The following C3orf20 variants were observed in gnomAD, a reference collection of about 807,000 sequenced individuals.
C3orf20 encodes family with sequence similarity 149 member C, also known as uncharacterized protein C3orf20.
A neutral mutation model predicts 88.3 loss-of-function variants in C3orf20; 76 were observed. The observed-to-expected ratio is 0.86, with a 90% CI of 0.72 to 1.04. The LOEUF (loss-of-function observed/expected upper bound fraction) is 1.04. Among genes scored for constraint, C3orf20 ranks in the 50% least tolerant of loss-of-function variants. C3orf20 has a pLI of 0.00. For synonymous variants in C3orf20, 436 were observed against 437.4 expected (o/e 1.00, Z 0.04); for missense variants, 1,056 against 1,123.3 (o/e 0.94, Z 0.86).
At chr3:14,690,507 G>A (rs1025139369) in intron 5 of C3orf20, among the ~76,000 whole-genome samples, 23 of 152,196 alleles carry the variant, frequency 1.5e-4, no homozygotes, top group African/African-American at 5.5e-4. Context: ...TCTGAAGAGA[G>A]GTATTTGGAT....
intron 15 of C3orf20, among the ~76,000 whole-genome samples, chr3:14,770,577 C>T (rs1019250238): frequency 1.5e-4 from 23 of 152,170 alleles, no homozygotes; most frequent in Non-Finnish European, 2.4e-4. Flanking sequence ...GTCCCCAGCC[C>T]AGCCTTAGCC....
At chr3:14,764,413 G>A (rs2035643474) in intron 15 of C3orf20, among the ~76,000 whole-genome samples, 2 of 152,178 alleles carry the variant, frequency 1.3e-5, no homozygotes, top group South Asian at 4.1e-4. Flanking sequence ...TGCCATAGCA[G>A]TTGTTCCTAT....
In C3orf20 at chr3:14,705,824, C is replaced by T. The variant is rs145734006; in HGVS notation, c.1160+1206C>T. ...CCCCTTCACTGTAGAAATCGGAAAA[C>T]TGAGACCCAAAGGCATGGTGTGACT... On this transcript the variant is annotated intron_variant, in intron 7 of 16. Transcript: ENST00000253697. Among the ~76,000 whole-genome samples, 56 of 152,278 alleles carry T rather than the reference C, an allele frequency of 3.7e-4. 1 individual carries two copies. The highest frequency in any genetic ancestry group is 2.0e-3 in the Admixed American group (31 of 15,300).
chr3:14,682,535 T>C, intron 2 of C3orf20, 43 bp from the exon 3 acceptor site: 1 of 803,700 alleles, frequency 1.2e-6, no homozygotes, highest in Non-Finnish European at 1.9e-6. Flanking sequence ...CTTGCCCTAC[T>C]ATGGGGAGAG....
chr3:14,745,468 A>G (rs1488705848), intron 12 of C3orf20, among the ~76,000 whole-genome samples: 7 of 152,250 alleles, frequency 4.6e-5, no homozygotes, highest in African/African-American at 1.7e-4. Context: ...CTTTTTCACA[A>G]TATGTCATGA....
chr3:14,682,536 A>C, intron 2 of C3orf20, 42 bp from the exon 3 acceptor site: 1 of 807,344 alleles, frequency 1.2e-6, no homozygotes, highest in Non-Finnish European at 1.9e-6. Flanking sequence ...TTGCCCTACT[A>C]TGGGGAGAGT....
rs779514928 is a variant in C3orf20, at chr3:14,772,756, C to T, written c.2631-35C>T. The T allele has an allele frequency of 5.1e-6, 8 of 1,564,622 alleles. No homozygotes were observed. Among genetic ancestry groups the T allele is most frequent in the South Asian group, 4.5e-5 (4 of 89,716 alleles). Reference sequence around the variant, plus strand: ...GGCTCTGGGCACTGTGAAGAACAGCCCTTCCGCCTCCCGGCCCTCTATTTT... The same window carrying T: ...GGCTCTGGGCACTGTGAAGAACAGCTCTTCCGCCTCCCGGCCCTCTATTTT... On this transcript the variant is annotated intron_variant, in intron 16 of 16. Coordinates refer to ENST00000253697, the MANE Select transcript of C3orf20 (RefSeq NM_032137.5). The surrounding 1 kb of genome is among the most constrained non-coding windows in gnomAD (Gnocchi z 4.2).
chr3:14,754,751 G>T (rs572515706), intron 12 of C3orf20, among the ~76,000 whole-genome samples: 39 of 152,118 alleles, frequency 2.6e-4, no homozygotes, highest in African/African-American at 8.0e-4. Flanking sequence ...TAGAGACAGG[G>T]TCTTGCTCTG....
chr3:14,696,146 C>T (rs914563273), intron 5 of C3orf20, among the ~76,000 whole-genome samples: 1 of 149,174 alleles, frequency 6.7e-6, no homozygotes, highest in Admixed American at 6.7e-5. Flanking sequence ...TTTGTGTACC[C>T]ATTGTGTGTT....
At position 14,683,006 on chromosome 3, in the gene C3orf20, C is replaced by G. The variant is rs544471584; in HGVS notation, c.293C>G (p.Pro98Arg). 6 of 1,613,116 alleles carry G rather than the reference C, an allele frequency of 3.7e-6. No individual in the cohort carries two copies. The African/African-American group carries it at 8.0e-5, about 22-fold the overall frequency. ...VPTLKKPLPP[P>R]PPAPPRPVLL... ...ACACTGAAGAAGCCACTACCTCCAC[C>G]ACCACCAGCACCACCACGTCCAGTG... The change falls in exon 3 of 17, where the codon CCA becomes CGA. Residue 98 changes from proline (P) to arginine (R), a missense_variant. Transcript: ENST00000253697.
At chr3:14,720,064 C>T (rs186200023) in intron 9 of C3orf20, among the ~76,000 whole-genome samples, 1 of 152,036 alleles carries the variant, frequency 6.6e-6, no homozygotes, top group Non-Finnish European at 1.5e-5. Context: ...GAGTCTCACT[C>T]TGTCGCCTAG....
intron 12 of C3orf20, among the ~76,000 whole-genome samples, chr3:14,736,076 A>T (rs370898816): frequency 1.3e-5 from 2 of 152,268 alleles, no homozygotes; most frequent in East Asian, 3.9e-4. Flanking sequence ...TGTTGAAATA[A>T]AGTTTTTCAA....
chr3:14,715,246 T>G, intron 8 of C3orf20, 43 bp from the exon 9 acceptor site: 1 of 1,596,940 alleles, frequency 6.3e-7, no homozygotes, highest in Non-Finnish European at 8.5e-7. Context: ...AGAGCTTCCT[T>G]CAGGGGCCCG....
At chr3:14,727,651 G>A (rs1001714743) in intron 11 of C3orf20, among the ~76,000 whole-genome samples, 3 of 152,182 alleles carry the variant, frequency 2.0e-5, no homozygotes, top group African/African-American at 2.4e-5. Flanking sequence ...TCTCTGGGGA[G>A]TTTCTTCTCG....
intron 12 of C3orf20, among the ~76,000 whole-genome samples, chr3:14,755,879 C>G (rs952488198): frequency 2.0e-5 from 3 of 151,490 alleles, no homozygotes; most frequent in Non-Finnish European, 4.4e-5. Context: ...AATACAAAAA[C>G]TTAGCCAGGC....
chr3:14,768,630 G>T lies in C3orf20; in HGVS notation c.2496-3437G>T, dbSNP rs1233720539. 6.6e-6 allele frequency among the ~76,000 whole-genome samples: 1 copy of T among 151,938 alleles called. No homozygotes were observed. The highest frequency in any genetic ancestry group is 1.5e-5 in the Non-Finnish European group (1 of 68,030). ...GCAGACAGTAACGACGGATGAGGAT[G>T]GTGTTAAAACTACCTCTTTTCTGGA... is the stretch of plus-strand genomic sequence containing the variant. On this transcript the variant is annotated intron_variant, in intron 15 of 16. Transcript: ENST00000253697. This position sits in a 1 kb window ranked among gnomAD's most constrained non-coding sequence, Gnocchi z 4.1.
chr3:14,761,661 T>C (rs760412079), intron 15 of C3orf20, 46 bp downstream of exon 15: 1 of 1,496,400 alleles, frequency 6.7e-7, no homozygotes, highest in South Asian at 1.1e-5. Context: ...TGGGGAGGTA[T>C]GGAGGGCAGA....
At chr3:14,702,597 C>T (rs1005060469) in intron 5 of C3orf20, among the ~76,000 whole-genome samples, 26 of 152,140 alleles carry the variant, frequency 1.7e-4, no homozygotes, top group African/African-American at 4.6e-4. Context: ...CACACCAGCA[C>T]GCCCAGTTAA....
Position 14,759,919 on chromosome 3 carries a change from A to C in C3orf20, c.2273A>C (p.Gln758Pro). ...QCRYDSYRLL[Q>P]YDLDSPLQED... ...CGGTATGACTCCTACCGCCTGCTGC[A>C]GTATGACCTGGACAGCCCCCTGCAG... The change falls in exon 14 of 17, where the codon CAG becomes CCG. Residue 758 changes from glutamine (Q) to proline (P), a missense_variant. Gln to Pro is a moderately conservative substitution (Grantham distance 76). Coordinates refer to ENST00000253697, the MANE Select transcript of C3orf20 (RefSeq NM_032137.5). 1 of 1,614,106 alleles carries C rather than the reference A, an allele frequency of 6.2e-7. No individual in the cohort carries two copies. The highest frequency in any genetic ancestry group is 8.5e-7 in the Non-Finnish European group (1 of 1,179,968).
Sources: gnomAD v4.1 joint callset for allele counts (sites outside exome capture counted in the v4.1 genomes callset) on GRCh38, gnomAD v4.1.1 for gene constraint, Gnocchi (gnomAD v3.1) non-coding constraint, MANE v1.5 for transcripts, NCBI Gene and HGNC (gene_info 2026-07-23, HGNC 2026-07-21) for gene names.